THSD7A: variants seen among roughly 807,000 people sequenced by gnomAD.
THSD7A encodes the protein thrombospondin type-1 domain-containing protein 7A.
A neutral mutation model predicts 231.3 loss-of-function variants in THSD7A; 96 were observed. That is an observed-to-expected ratio of 0.41 (90% confidence interval 0.35 to 0.49). THSD7A has a LOEUF of 0.49. THSD7A is among the 20% of genes least tolerant of loss of function. THSD7A has a pLI of 0.05. For missense variants in THSD7A, 2,290 were observed against 2,070.2 expected (o/e 1.11, Z -2.06); for synonymous variants, 940 against 743.3 (o/e 1.26, Z -4.30).
intron 6 of THSD7A, among the ~76,000 whole-genome samples, chr7:11,518,621 G>A (rs74383687): frequency 0.019 from 1,869 of 99,654 alleles, 33 homozygotes; most frequent in African/African-American, 0.071. Context: ...ACACACACAC[G>A]CACACACAGG....
chr7:11,614,649 C>T lies in THSD7A; in HGVS notation c.1023-21147G>A, dbSNP rs561980089. On this transcript the variant is annotated intron_variant, in intron 2 of 27. Transcript: ENST00000423059. ...CAGAAAGAATTATGTTTTATCACAACTATAGCCTTGTTATCAATGACAGAA... is the reference window on the plus strand; with the variant it reads ...CAGAAAGAATTATGTTTTATCACAATTATAGCCTTGTTATCAATGACAGAA... Among the ~76,000 whole-genome samples, 5 of 152,324 alleles carry T rather than the reference C, an allele frequency of 3.3e-5. No homozygotes were observed. The South Asian group carries it at 1.0e-3, about 32-fold the overall frequency.
intron 4 of THSD7A, among the ~76,000 whole-genome samples, chr7:11,583,620 A>G (rs887312454): frequency 6.6e-6 from 1 of 152,086 alleles, no homozygotes; most frequent in African/African-American, 2.4e-5. Context: ...TTGGGAGTCT[A>G]ATCTTACTGC....
chr7:11,537,629 A>G lies in THSD7A; in HGVS notation c.1822+3790T>C, dbSNP rs1051665655. Among the ~76,000 whole-genome samples, 3 of 129,678 alleles carry G rather than the reference A, an allele frequency of 2.3e-5. No homozygotes were observed. The Admixed American group carries it at 2.3e-4, about 10-fold the overall frequency. The allele number at this position is 129,678 out of a possible 152,430, so 85.1% of individuals were successfully genotyped here. A position where few individuals can be genotyped will look rare whatever the true frequency, so the allele number is the denominator to read the frequency against. On this transcript the variant is annotated intron_variant, in intron 6 of 27. Transcript: ENST00000423059. ...CACCTAACAGTGCCATGCTTCCTGTACAGCGCCATGCTTCCTGTACAGCCT... is the reference window on the plus strand; with the variant it reads ...CACCTAACAGTGCCATGCTTCCTGTGCAGCGCCATGCTTCCTGTACAGCCT...
At chr7:11,447,725 G>T (rs2128294786) in intron 11 of THSD7A, among the ~76,000 whole-genome samples, 1 of 152,190 alleles carries the variant, frequency 6.6e-6, no homozygotes, top group African/African-American at 2.4e-5. Context: ...CACATGTAGG[G>T]TATATTTAGA....
intron 6 of THSD7A, among the ~76,000 whole-genome samples, chr7:11,541,192 T>A (rs2074605): frequency 0.16 from 24,371 of 152,162 alleles, 1,991 homozygotes; most frequent in Admixed American, 0.18. Flanking sequence ...TGTTTTCACA[T>A]TTAACATTAT....
At position 11,590,371 on chromosome 7, in the gene THSD7A, C is replaced by T. The variant is rs1180865571; in HGVS notation, c.1453+89G>A. On this transcript the variant is annotated intron_variant, in intron 4 of 27. Transcript: ENST00000423059. The surrounding 1 kb of genome is among the most constrained non-coding windows in gnomAD (Gnocchi z 4.4). The stretch of plus-strand genomic sequence containing the variant: ...GTGAACAGAAATGCAGCCCTCATAA[C>T]CTGGATGGCTGTGTATATATCCCTT... The T allele has an allele frequency of 3.0e-6, 4 of 1,351,520 alleles. No homozygotes were observed. The highest frequency in any genetic ancestry group is 1.6e-5 in the South Asian group (1 of 63,510). 83.7% of individuals were successfully genotyped at this position (1,351,520 alleles called of 1,614,324 possible). A position where few individuals can be genotyped will look rare whatever the true frequency, so the allele number is the denominator to read the frequency against.
At chr7:11,426,314 A>C (rs1784320366) in intron 15 of THSD7A, among the ~76,000 whole-genome samples, 1 of 152,074 alleles carries the variant, frequency 6.6e-6, no homozygotes, top group Non-Finnish European at 1.5e-5. Flanking sequence ...TCTCCAACCC[A>C]CCCATTTTCA....
intron 7 of THSD7A, among the ~76,000 whole-genome samples, chr7:11,476,318 T>TACACACACACACACACACACAC (rs59127235): frequency 7.3e-6 from 1 of 137,300 alleles, no homozygotes; most frequent in Non-Finnish European, 1.6e-5. Context: ...CTCTGGAAGA[T>TACACACACACACACACACACAC]ACACACACAC....
chr7:11,545,935 C>A (rs1431693233), intron 4 of THSD7A, among the ~76,000 whole-genome samples: 1 of 152,176 alleles, frequency 6.6e-6, no homozygotes, highest in Non-Finnish European at 1.5e-5. Context: ...CCCCATGGCA[C>A]AAGCCCAGTC....
intron 1 of THSD7A, among the ~76,000 whole-genome samples, chr7:11,791,960 C>A (rs1190689677): frequency 6.6e-6 from 1 of 151,754 alleles, no homozygotes; most frequent in Non-Finnish European, 1.5e-5. Context: ...CTATTCATTC[C>A]ATAATTTCAC....
At chr7:11,516,483 C>T (rs1788035088) in intron 6 of THSD7A, among the ~76,000 whole-genome samples, 1 of 152,126 alleles carries the variant, frequency 6.6e-6, no homozygotes, top group Non-Finnish European at 1.5e-5. Context: ...GTGCCTCATC[C>T]CCATCTTCCT....
chr7:11,824,971 C>T (rs528673640), intron 1 of THSD7A, among the ~76,000 whole-genome samples: 112 of 152,148 alleles, frequency 7.4e-4, no homozygotes, highest in African/African-American at 2.6e-3. Flanking sequence ...GTGCTCAAAA[C>T]ATTTTTATAG....
At chr7:11,682,254 C>G (rs879139135) in intron 1 of THSD7A, among the ~76,000 whole-genome samples, 1 of 152,016 alleles carries the variant, frequency 6.6e-6, no homozygotes, top group East Asian at 1.9e-4. Flanking sequence ...CCTTTAATAT[C>G]AATATTAACC....
rs1294696536 is a variant in THSD7A at position 11,784,263 on chromosome 7, T to C, written c.190+47494A>G. ...GTGTGTGTGTGTATATATATATACA[T>C]CCTTTTTATTCTGCTTGGCATTTTT... On this transcript the variant is annotated intron_variant, in intron 1 of 27. Coordinates refer to ENST00000423059, the MANE Select transcript of THSD7A (RefSeq NM_015204.3). 3.3e-5 allele frequency among the ~76,000 whole-genome samples: 5 copies of C among 151,740 alleles called. No homozygotes were observed. In the East Asian group the frequency reaches 9.7e-4, roughly 29 times the overall value.
In THSD7A at chr7:11,691,070, T is replaced by C. The variant is rs79519033; in HGVS notation, c.191-54109A>G. Among the ~76,000 whole-genome samples the C allele has an allele frequency of 4.0e-3, 614 of 151,750 alleles. 3 individuals are homozygous for C. The highest frequency in any genetic ancestry group is 0.024 in the Middle Eastern group (7 of 294). On this transcript the variant is annotated intron_variant, in intron 1 of 27. Transcript: ENST00000423059. Reference sequence around the variant, plus strand: ...CATAAGAATGAAAATGTCCATAATATGTTAGGTTTTTGTATCCTTTAAAAC... The same window carrying C: ...CATAAGAATGAAAATGTCCATAATACGTTAGGTTTTTGTATCCTTTAAAAC...
At chr7:11,453,543 A>C (rs1394495347) in intron 11 of THSD7A, among the ~76,000 whole-genome samples, 1 of 152,008 alleles carries the variant, frequency 6.6e-6, no homozygotes, top group African/African-American at 2.4e-5. Flanking sequence ...ACATTACAAC[A>C]GATGTTCCTT....
At chr7:11,440,453 C>T (rs2128293036) in intron 13 of THSD7A, among the ~76,000 whole-genome samples, 1 of 152,008 alleles carries the variant, frequency 6.6e-6, no homozygotes, top group Non-Finnish European at 1.5e-5. Context: ...TCCAATGGAT[C>T]CAGGCAAAGT....
In THSD7A at chr7:11,676,574, A is replaced by G. The variant is rs2128137397; in HGVS notation, c.191-39613T>C. Among the ~76,000 whole-genome samples the G allele has an allele frequency of 2.0e-5, 3 of 152,262 alleles. No homozygotes were observed. In the South Asian group the frequency reaches 6.2e-4, roughly 32 times the overall value. The stretch of plus-strand genomic sequence containing the variant: ...ATAACCAGTTTAGAGAAGAACATAA[A>G]TGACCTAAGAGAGATGAAAAACATA... On this transcript the variant is annotated intron_variant, in intron 1 of 27. Transcript: ENST00000423059.
At chr7:11,513,740 A>G (rs1421998345) in intron 6 of THSD7A, among the ~76,000 whole-genome samples, 21 of 152,226 alleles carry the variant, frequency 1.4e-4, no homozygotes, top group Admixed American at 1.4e-3. Flanking sequence ...CATTATGGAT[A>G]TACTAAATGC....
Sources: gnomAD v4.1 joint callset for allele counts (sites outside exome capture counted in the v4.1 genomes callset) on GRCh38, gnomAD v4.1.1 for gene constraint, Gnocchi (gnomAD v3.1) non-coding constraint, MANE v1.5 for transcripts, NCBI Gene and HGNC (gene_info 2026-07-23, HGNC 2026-07-21) for gene names.